Variants in SCAPER observed in about 807,000 individuals in gnomAD.
SCAPER encodes the protein S-phase cyclin A associated protein in the ER.
A neutral mutation model predicts 182.2 loss-of-function variants in SCAPER; 98 were observed. The ratio of observed to expected loss-of-function variants is 0.54; its 90% confidence interval spans 0.46 to 0.64. SCAPER has a LOEUF of 0.64. SCAPER is among the 30% of genes least tolerant of loss of function. The pLI is 0.00. For synonymous variants in SCAPER, 605 were observed against 564.6 expected (o/e 1.07, Z -1.01); for missense variants, 1,432 against 1,690.0 (o/e 0.85, Z 2.68).
intron 15 of SCAPER, among the ~76,000 whole-genome samples, chr15:76,735,692 C>T (rs1366276499): frequency 6.2e-5 from 7 of 112,432 alleles, no homozygotes; most frequent in Non-Finnish European, 1.1e-4. Context: ...ACAGAGACTC[C>T]GTCTCAAAAA....
In SCAPER at chr15:76,512,963, T is replaced by C. The variant is rs2042160506; in HGVS notation, c.2839-7989A>G. Among the ~76,000 whole-genome samples the C allele has an allele frequency of 3.9e-5, 6 of 152,002 alleles. 1 individual carries two copies. The South Asian group carries it at 1.2e-3, about 32-fold the overall frequency. ...TAAGGAAGATTCTGGTTATGTGTAC[T>C]TCTGGATTAGAGATGCAACAAGCCA... On this transcript the variant is annotated intron_variant, in intron 23 of 31. Transcript: ENST00000563290.
chr15:76,839,744 G>T lies in SCAPER; in HGVS notation c.393+1990C>A, dbSNP rs2069282689. On this transcript the variant is annotated intron_variant, in intron 5 of 31. Transcript: ENST00000563290. ...AGCTTTTATAAAGCTTGGAATAAGT[G>T]ACAGAACCAGAAATAAAAGCCACAC... is the stretch of plus-strand genomic sequence containing the variant. 2.6e-5 allele frequency among the ~76,000 whole-genome samples: 4 copies of T among 152,078 alleles called. No homozygotes were observed. The South Asian group carries it at 8.3e-4, about 32-fold the overall frequency.
At chr15:76,521,263 T>TTATGG in intron 23 of SCAPER, among the ~76,000 whole-genome samples, 1 of 152,262 alleles carries the variant, frequency 6.6e-6, no homozygotes, top group Non-Finnish European at 1.5e-5. Flanking sequence ...ATGGTATATT[T>TTATGG]TATAACTCAC....
chr15:76,712,129 G>A (rs1202026893), intron 17 of SCAPER, among the ~76,000 whole-genome samples: 1 of 152,148 alleles, frequency 6.6e-6, no homozygotes, highest in Non-Finnish European at 1.5e-5. Flanking sequence ...GTGTAAGGAA[G>A]GGATCCAGTT....
At chr15:76,892,558 A>C (rs2074223765) in intron 1 of SCAPER, among the ~76,000 whole-genome samples, 1 of 152,270 alleles carries the variant, frequency 6.6e-6, no homozygotes, top group African/African-American at 2.4e-5. Flanking sequence ...CAGCCAACAG[A>C]CACATGAAGA....
chr15:76,699,987 G>C (rs2058850488), intron 20 of SCAPER, among the ~76,000 whole-genome samples: 1 of 152,196 alleles, frequency 6.6e-6, no homozygotes, highest in African/African-American at 2.4e-5. Context: ...TTGCACGCCA[G>C]CAGGGGCCCA....
intron 22 of SCAPER, among the ~76,000 whole-genome samples, chr15:76,604,730 G>T (rs1341385662): frequency 1.3e-5 from 2 of 151,920 alleles, no homozygotes; most frequent in Non-Finnish European, 2.9e-5. Flanking sequence ...TCTCCTTGAA[G>T]AGGTCCTTCA....
chr15:76,456,435 T>A (rs899499396), intron 25 of SCAPER, among the ~76,000 whole-genome samples: 4 of 152,250 alleles, frequency 2.6e-5, no homozygotes, highest in African/African-American at 9.6e-5. Context: ...TCTAACTTCA[T>A]CCCACTGTCT....
At chr15:76,491,494 A>G (rs948868583) in intron 24 of SCAPER, among the ~76,000 whole-genome samples, 3 of 152,232 alleles carry the variant, frequency 2.0e-5, no homozygotes, top group Admixed American at 1.3e-4. Context: ...TGGATCATAC[A>G]CTAAGTATAT....
intron 5 of SCAPER, among the ~76,000 whole-genome samples, chr15:76,816,762 C>G (rs2067117841): frequency 6.6e-6 from 1 of 151,896 alleles, no homozygotes; most frequent in African/African-American, 2.4e-5. Context: ...ACACCAGTCT[C>G]CTGCCTCAGC....
intron 22 of SCAPER, among the ~76,000 whole-genome samples, chr15:76,580,271 A>T (rs2048170345): frequency 6.6e-6 from 1 of 152,196 alleles, no homozygotes; most frequent in South Asian, 2.1e-4. Context: ...CAAGTGTTAG[A>T]CCACAAAATA....
At chr15:76,509,957 A>G (rs1351322598) in intron 23 of SCAPER, among the ~76,000 whole-genome samples, 1 of 152,164 alleles carries the variant, frequency 6.6e-6, no homozygotes, top group Non-Finnish European at 1.5e-5. Context: ...CAAAGCAAAC[A>G]AAAAACTTAA....
At chr15:76,577,449 A>AAAGAAG (rs999899835) in intron 22 of SCAPER, among the ~76,000 whole-genome samples, 1 of 152,032 alleles carries the variant, frequency 6.6e-6, no homozygotes, top group Non-Finnish European at 1.5e-5. Context: ...CCTGTTTCAA[A>AAAGAAG]AAGAAGAAGA....
intron 22 of SCAPER, among the ~76,000 whole-genome samples, chr15:76,605,001 A>T (rs1397273754): frequency 6.6e-6 from 1 of 152,010 alleles, no homozygotes; most frequent in Non-Finnish European, 1.5e-5. Flanking sequence ...CTCTTTTCCT[A>T]ATTGAATACC....
intron 23 of SCAPER, among the ~76,000 whole-genome samples, chr15:76,535,778 T>C (rs968296881): frequency 3.9e-5 from 6 of 152,072 alleles, no homozygotes; most frequent in African/African-American, 1.4e-4. Context: ...TTAAGGTAGA[T>C]CAGTTACTTA....
Position 76,565,133 on chromosome 15 carries a change from A to T in SCAPER, c.2838+9025T>A, listed in dbSNP as rs2046944793. ...ATCTTATGATGAAGACACCGAAAGCAATTGCAACAAAAGCAAAAACTAACA... is the reference window on the plus strand; with the variant it reads ...ATCTTATGATGAAGACACCGAAAGCTATTGCAACAAAAGCAAAAACTAACA... On this transcript the variant is annotated intron_variant, in intron 23 of 31. Coordinates refer to ENST00000563290, the MANE Select transcript of SCAPER (RefSeq NM_020843.4). Among the ~76,000 whole-genome samples the T allele has an allele frequency of 2.0e-5, 3 of 152,194 alleles. No homozygotes were observed. In the South Asian group the frequency reaches 6.2e-4, roughly 32 times the overall value.
intron 17 of SCAPER, among the ~76,000 whole-genome samples, chr15:76,727,053 G>GAA (rs34611688): frequency 6.6e-6 from 1 of 150,980 alleles, no homozygotes; most frequent in African/African-American, 2.4e-5. Flanking sequence ...ATCCTTTATA[G>GAA]AAAAAAAAAT....
At chr15:76,450,506 C>G (rs943249125) in intron 25 of SCAPER, among the ~76,000 whole-genome samples, 3 of 152,066 alleles carry the variant, frequency 2.0e-5, no homozygotes, top group African/African-American at 7.2e-5. Flanking sequence ...TATCCTTTAC[C>G]TAGACTCACC....
intron 28 of SCAPER, among the ~76,000 whole-genome samples, chr15:76,376,891 G>A (rs1035615570): frequency 6.6e-6 from 1 of 152,162 alleles, no homozygotes; most frequent in African/African-American, 2.4e-5. Context: ...AAATCCCTCA[G>A]CTATGGGACT....
Sources: allele counts gnomAD v4.1 joint callset (sites outside exome capture counted in the v4.1 genomes callset), GRCh38; gene constraint gnomAD v4.1.1; transcripts MANE v1.5; gene names NCBI Gene and HGNC (gene_info 2026-07-23, HGNC 2026-07-21).